Variants in IL1RAPL2 observed in about 807,000 individuals in gnomAD.
The protein encoded by IL1RAPL2 is X-linked interleukin-1 receptor accessory protein-like 2.
In IL1RAPL2, 3 loss-of-function variants were observed where a neutral mutation model predicts 44.1. That is an observed-to-expected ratio of 0.07 (90% CI 0.03 to 0.18). IL1RAPL2 has a LOEUF of 0.18. Ranked by LOEUF, IL1RAPL2 falls within the 10% of genes least tolerant of loss-of-function variation. The probability of loss-of-function intolerance (pLI) is 1.00; values close to 1 mark genes in which losing one functional copy is unlikely to be tolerated. For synonymous variants in IL1RAPL2, 181 were observed against 178.8 expected, an observed-to-expected ratio of 1.01 and a Z score of -0.10; for missense variants, 391 against 496.4, an observed-to-expected ratio of 0.79 and a Z score of 2.02.
At chrX:105,365,836 G>A (rs2035289672) in intron 5 of IL1RAPL2, among the ~76,000 whole-genome samples, 1 of 111,184 alleles carries the variant, frequency 9.0e-6, no homozygotes, top group Non-Finnish European at 1.9e-5. Context: ...GAGTGCAGTG[G>A]CATGATCTTG....
intron 2 of IL1RAPL2, among the ~76,000 whole-genome samples, chrX:105,082,367 T>G (rs1037048252): frequency 1.8e-5 from 2 of 111,973 alleles, no homozygotes; most frequent in African/African-American, 6.5e-5. Flanking sequence ...CTTTTCTATT[T>G]TCTTCTTTGT....
chrX:105,477,972 T>C (rs940153979), intron 5 of IL1RAPL2, among the ~76,000 whole-genome samples: 2 of 111,269 alleles, frequency 1.8e-5, no homozygotes, highest in Non-Finnish European at 3.8e-5. Flanking sequence ...TTGTGTTTTA[T>C]TAATGGATGT....
intron 3 of IL1RAPL2, chrX:105,219,634 G>GCAC (rs1556177097): frequency 3.3e-6 from 4 of 1,210,324 alleles, no homozygotes; most frequent in Non-Finnish European, 4.5e-6. Context: ...TCCTCCAGCA[G>GCAC]CACCAGCAGC....
intron 2 of IL1RAPL2, among the ~76,000 whole-genome samples, chrX:104,780,786 A>G (rs1932767046): frequency 1.8e-5 from 2 of 111,654 alleles, no homozygotes; most frequent in African/African-American, 6.5e-5. Flanking sequence ...GTACATTTTT[A>G]TCTTCCAGGT....
intron 5 of IL1RAPL2, among the ~76,000 whole-genome samples, chrX:105,392,627 G>C (rs761860413): frequency 1.8e-5 from 2 of 111,852 alleles, no homozygotes; most frequent in South Asian, 7.4e-4. Context: ...TGGCATATTT[G>C]TGAGTTATGA....
chrX:105,602,059 G>A (rs1218289568), intron 6 of IL1RAPL2, among the ~76,000 whole-genome samples: 1 of 111,817 alleles, frequency 8.9e-6, no homozygotes, highest in Non-Finnish European at 1.9e-5. Context: ...GAGCTGCTGT[G>A]TGCCACATGA....
intron 2 of IL1RAPL2, among the ~76,000 whole-genome samples, chrX:105,124,340 T>C (rs1407358266): frequency 9.0e-6 from 1 of 110,608 alleles, no homozygotes; most frequent in African/African-American, 3.3e-5. Flanking sequence ...TACATGAACA[T>C]ATGGTTTTGT....
At chrX:105,276,040 A>G (rs751771292) in intron 5 of IL1RAPL2, among the ~76,000 whole-genome samples, 2 of 112,446 alleles carry the variant, frequency 1.8e-5, no homozygotes, top group South Asian at 7.3e-4. Context: ...TGGAATAACT[A>G]TTTCTGATTC....
intron 7 of IL1RAPL2, among the ~76,000 whole-genome samples, chrX:105,736,623 T>G (rs1159098502): frequency 9.0e-6 from 1 of 110,972 alleles, no homozygotes; most frequent in Non-Finnish European, 1.9e-5. Context: ...GTAAAAATGC[T>G]CAACATCACT....
At chrX:104,939,600 C>T (rs867435809) in intron 2 of IL1RAPL2, among the ~76,000 whole-genome samples, 34 of 110,864 alleles carry the variant, frequency 3.1e-4, no homozygotes, top group Admixed American at 9.6e-5. Context: ...GAGGTATATA[C>T]CAAAAATAAT....
chrX:104,939,355 C>T (rs1318063514), intron 2 of IL1RAPL2, among the ~76,000 whole-genome samples: 2 of 111,662 alleles, frequency 1.8e-5, no homozygotes, highest in East Asian at 5.6e-4. Flanking sequence ...CCACGCTGGG[C>T]CACATGTTAG....
intron 1 of IL1RAPL2, among the ~76,000 whole-genome samples, chrX:104,585,271 T>TTATATAA (rs1928498699): frequency 5.0e-4 from 9 of 17,912 alleles, no homozygotes; most frequent in East Asian, 2.2e-3. Context: ...ATATAATATA[T>TTATATAA]TATATATATT....
At chrX:104,989,177 A>C (rs1252733749) in intron 2 of IL1RAPL2, among the ~76,000 whole-genome samples, 5 of 111,552 alleles carry the variant, frequency 4.5e-5, no homozygotes, top group Non-Finnish European at 7.5e-5. Flanking sequence ...TGGGGTGTAC[A>C]TCTTGAGCCT....
chrX:104,836,569 T>TA (rs2147632226), intron 2 of IL1RAPL2, among the ~76,000 whole-genome samples: 1 of 110,245 alleles, frequency 9.1e-6, no homozygotes, highest in East Asian at 2.8e-4. Flanking sequence ...AATTAAAAAT[T>TA]AAAAAAGAAA....
At chrX:105,528,020 A>G (rs987909135) in intron 6 of IL1RAPL2, among the ~76,000 whole-genome samples, 11 of 112,386 alleles carry the variant, frequency 9.8e-5, no homozygotes, top group East Asian at 8.4e-4. Flanking sequence ...AGGGCTATCA[A>G]TCATTTCAGG....
At chrX:105,238,410 A>G (rs782626313) in intron 4 of IL1RAPL2, among the ~76,000 whole-genome samples, 6 of 111,863 alleles carry the variant, frequency 5.4e-5, no homozygotes, top group Non-Finnish European at 7.5e-5. Flanking sequence ...CACTATCACC[A>G]TCATAAATGT....
At chrX:105,417,993 C>T (rs1405276786) in intron 5 of IL1RAPL2, among the ~76,000 whole-genome samples, 1 of 111,797 alleles carries the variant, frequency 8.9e-6, no homozygotes, top group African/African-American at 3.3e-5. Context: ...AAAGTCTTCT[C>T]TGAGTCTTTT....
At chrX:104,819,167 T>C (rs1009770203) in intron 2 of IL1RAPL2, among the ~76,000 whole-genome samples, 4 of 112,201 alleles carry the variant, frequency 3.6e-5, no homozygotes, top group African/African-American at 9.7e-5. Context: ...CAATTTACAA[T>C]AGGATTACGT....
intron 2 of IL1RAPL2, among the ~76,000 whole-genome samples, chrX:104,897,507 TCA>T (rs906753826): frequency 3.6e-5 from 4 of 112,179 alleles, no homozygotes; most frequent in African/African-American, 1.3e-4. Context: ...GTCAAAATGC[TCA>T]CAGAGTCTGC....
Sources: gnomAD v4.1 joint callset for allele counts (sites outside exome capture counted in the v4.1 genomes callset) on GRCh38, gnomAD v4.1.1 for gene constraint, MANE v1.5 for transcripts, NCBI Gene and HGNC (gene_info 2026-07-23, HGNC 2026-07-21) for gene names.